The following LHFPL2 variants were observed in gnomAD, a reference collection of about 807,000 sequenced individuals.
LHFPL2 encodes LHFPL tetraspan subfamily member 2.
In LHFPL2, 7 loss-of-function variants were observed where a neutral mutation model predicts 17.5. The ratio of observed to expected loss-of-function variants is 0.40; its 90% confidence interval spans 0.23 to 0.75. The LOEUF is 0.75. Ranked by LOEUF, LHFPL2 falls within the 30% of genes least tolerant of loss-of-function variation. The pLI is 0.37. For missense variants in LHFPL2, 241 were observed against 294.8 expected (o/e 0.82, Z 1.34); for synonymous variants, 134 against 116.2 (o/e 1.15, Z -0.99).
chr5:78,522,401 C>T lies in LHFPL2; in HGVS notation c.-185-12003G>A, dbSNP rs565480301. Among the ~76,000 whole-genome samples, 303 of 152,212 alleles carry T rather than the reference C, an allele frequency of 2.0e-3. 1 individual carries two copies. The highest frequency in any genetic ancestry group is 0.01 in the Middle Eastern group (3 of 294). ...TGCAGTGAGCCGAGATCACGCATTG[C>T]GCTTCAGCCTGGGTGACAGAGTGAG... On this transcript the variant is annotated intron_variant, in intron 3 of 4. Transcript: ENST00000380345.
chr5:78,491,031 T>G (rs1395045456), intron 4 of LHFPL2: 1 of 152,218 alleles, frequency 6.6e-6, no homozygotes, highest in African/African-American at 2.4e-5. Context: ...ACTGACTTTA[T>G]GGCAGTATGA....
In LHFPL2 at chr5:78,570,631, A is replaced by C. The variant is rs1756973107; in HGVS notation, c.-244-5760T>G. 2.7e-5 allele frequency among the ~76,000 whole-genome samples: 4 copies of C among 146,488 alleles called. No homozygotes were observed. The South Asian group carries it at 8.4e-4, about 31-fold the overall frequency. ...CTTGAATATATATATACGTATATAT[A>C]TAGTATATATATATATACGTATATA... On this transcript the variant is annotated intron_variant, in intron 2 of 4. Transcript: ENST00000380345.
intron 3 of LHFPL2, among the ~76,000 whole-genome samples, chr5:78,517,106 C>T (rs978069125): frequency 1.3e-5 from 2 of 152,214 alleles, no homozygotes; most frequent in Non-Finnish European, 2.9e-5. Flanking sequence ...AAGGACCCTA[C>T]AAGGTAGACC....
At chr5:78,613,571 GGAATA>G (rs1744489142) in intron 2 of LHFPL2, among the ~76,000 whole-genome samples, 1 of 132,414 alleles carries the variant, frequency 7.6e-6, no homozygotes, top group Non-Finnish European at 1.8e-5. Flanking sequence ...GGCAGTGTCT[GGAATA>G]AAATAGATGC....
At chr5:78,643,763 T>C (rs1274061431) in intron 1 of LHFPL2, among the ~76,000 whole-genome samples, 2 of 152,298 alleles carry the variant, frequency 1.3e-5, no homozygotes, top group Middle Eastern at 3.4e-3. Context: ...TTAGTGGCTA[T>C]TGAAAATATC....
At chr5:78,577,399 T>C (rs543713338) in intron 2 of LHFPL2, among the ~76,000 whole-genome samples, 9 of 152,228 alleles carry the variant, frequency 5.9e-5, no homozygotes, top group Non-Finnish European at 1.2e-4. Context: ...CTCCCATTGG[T>C]ATCTTGACTT....
At chr5:78,525,181 A>G (rs572847513) in intron 3 of LHFPL2, among the ~76,000 whole-genome samples, 2 of 152,302 alleles carry the variant, frequency 1.3e-5, no homozygotes, top group East Asian at 1.9e-4. Flanking sequence ...CCTGCTCCAG[A>G]AGGTACTGCT....
Position 78,486,053 on chromosome 5 carries a change from C to T in LHFPL2, c.*2844G>A, listed in dbSNP as rs1231384781. The T allele has an allele frequency of 1.3e-5, 2 of 152,590 alleles. No individual in the cohort carries two copies. Among genetic ancestry groups the T allele is most frequent in the Non-Finnish European group, 2.9e-5 (2 of 68,040 alleles). 9.5% of individuals were successfully genotyped at this position (152,590 alleles called of 1,614,324 possible). On this transcript the variant is annotated 3_prime_UTR_variant, in exon 5 of 5. Coordinates refer to ENST00000380345, the MANE Select transcript of LHFPL2 (RefSeq NM_005779.3). Reference sequence around the variant, plus strand: ...ACATACATACACCTTTGTTATTGCACATCTTTCACACAAACTTGTGTATGT... The same window carrying T: ...ACATACATACACCTTTGTTATTGCATATCTTTCACACAAACTTGTGTATGT...
chr5:78,637,740 G>T (rs1745505930), intron 1 of LHFPL2, among the ~76,000 whole-genome samples: 1 of 152,254 alleles, frequency 6.6e-6, no homozygotes, highest in African/African-American at 2.4e-5. Flanking sequence ...AGCAGGGGAA[G>T]CATCACGGAG....
intron 2 of LHFPL2, among the ~76,000 whole-genome samples, chr5:78,603,765 T>C (rs74789798): frequency 0.048 from 7,382 of 152,306 alleles, 621 homozygotes; most frequent in African/African-American, 0.17. Flanking sequence ...CACAGATGTT[T>C]GCAGCATTAT....
chr5:78,497,189 C>T (rs746531867), intron 4 of LHFPL2, among the ~76,000 whole-genome samples: 1 of 152,186 alleles, frequency 6.6e-6, no homozygotes, highest in Non-Finnish European at 1.5e-5. Flanking sequence ...TTTACTCTAT[C>T]GGCAAAGCCT....
chr5:78,626,859 T>G (rs1253005379), intron 2 of LHFPL2, among the ~76,000 whole-genome samples: 1 of 151,768 alleles, frequency 6.6e-6, no homozygotes, highest in Non-Finnish European at 1.5e-5. Context: ...GACAGAAAGA[T>G]CACCCGACGT....
intron 3 of LHFPL2, among the ~76,000 whole-genome samples, chr5:78,520,062 T>A (rs1755405151): frequency 6.6e-6 from 1 of 151,960 alleles, no homozygotes; most frequent in Non-Finnish European, 1.5e-5. Context: ...GGAAAGTCGC[T>A]GCCACGCTTT....
intron 4 of LHFPL2, among the ~76,000 whole-genome samples, chr5:78,490,243 T>C (rs1164976365): frequency 6.6e-6 from 1 of 152,198 alleles, no homozygotes. Flanking sequence ...TTATTTTTCC[T>C]GCCTAGTCCC....
intron 2 of LHFPL2, among the ~76,000 whole-genome samples, chr5:78,628,121 C>A: frequency 6.6e-6 from 1 of 152,134 alleles, no homozygotes; most frequent in East Asian, 1.9e-4. Context: ...ATCGAGCTCT[C>A]GTTTTACCAG....
chr5:78,621,992 C>G (rs1313791401), intron 2 of LHFPL2, among the ~76,000 whole-genome samples: 1 of 152,114 alleles, frequency 6.6e-6, no homozygotes, highest in Non-Finnish European at 1.5e-5. Flanking sequence ...TCTAAGAAAT[C>G]TGACCACAGG....
In LHFPL2 at chr5:78,618,791, C is replaced by T. The variant is rs532879980; in HGVS notation, c.-245+13473G>A. On this transcript the variant is annotated intron_variant, in intron 2 of 4. Coordinates refer to ENST00000380345, the MANE Select transcript of LHFPL2 (RefSeq NM_005779.3). ...CATACCGTATATAAATTCAAACACT[C>T]TAAAGGTAACATGCACTGAGACTTG... Among the ~76,000 whole-genome samples, 4 of 152,278 alleles carry T rather than the reference C, an allele frequency of 2.6e-5. No homozygotes were observed. In the South Asian group the frequency reaches 8.3e-4, roughly 32 times the overall value.
At chr5:78,585,696 T>A (rs1743363430) in intron 2 of LHFPL2, among the ~76,000 whole-genome samples, 1 of 152,242 alleles carries the variant, frequency 6.6e-6, no homozygotes, top group South Asian at 2.1e-4. Flanking sequence ...CTCCTCATCA[T>A]CATCATCACC....
chr5:78,605,991 G>T (rs1744200161), intron 2 of LHFPL2, among the ~76,000 whole-genome samples: 1 of 152,150 alleles, frequency 6.6e-6, no homozygotes, highest in African/African-American at 2.4e-5. Flanking sequence ...CTAATATGAG[G>T]ACTGATGAAA....
Sources: allele counts gnomAD v4.1 joint callset (sites outside exome capture counted in the v4.1 genomes callset), GRCh38; gene constraint gnomAD v4.1.1; transcripts MANE v1.5; gene names NCBI Gene and HGNC (gene_info 2026-07-23, HGNC 2026-07-21).